Variants in PHIP observed in about 807,000 individuals in gnomAD.
PHIP encodes PH-interacting protein.
A neutral mutation model predicts 236.8 loss-of-function variants in PHIP; 54 were observed. The ratio of observed to expected loss-of-function variants is 0.23; its 90% CI spans 0.18 to 0.29. The LOEUF (loss-of-function observed/expected upper bound fraction) is 0.29. PHIP is among the 10% of genes least tolerant of loss of function. PHIP has a pLI of 1.00. For synonymous variants in PHIP, 756 were observed against 718.9 expected (o/e 1.05, Z -0.83); for missense variants, 1,370 against 2,190.8 (o/e 0.63, Z 7.48).
chr6:79,028,281 T>A (rs1258627938), intron 7 of PHIP, among the ~76,000 whole-genome samples: 2 of 152,134 alleles, frequency 1.3e-5, no homozygotes, highest in African/African-American at 2.4e-5. Flanking sequence ...AGTATCAGGA[T>A]CATACTTGTG....
intron 15 of PHIP, among the ~76,000 whole-genome samples, chr6:79,004,867 AG>A (rs1770198967): frequency 6.6e-5 from 10 of 152,084 alleles, no homozygotes; most frequent in Admixed American, 6.6e-5. Flanking sequence ...CAAATGCAGA[AG>A]TTAAAATTCA....
chr6:78,976,286 A>G (rs1371768649), intron 24 of PHIP, among the ~76,000 whole-genome samples: 1 of 149,120 alleles, frequency 6.7e-6, no homozygotes, highest in Non-Finnish European at 1.5e-5. Context: ...AGGATTCCCT[A>G]TTTAATAAAT....
chr6:79,026,625 A>G (rs1331457006), intron 7 of PHIP, among the ~76,000 whole-genome samples: 2 of 152,114 alleles, frequency 1.3e-5, no homozygotes, highest in Admixed American at 6.5e-5. Context: ...AGCTAAAAAC[A>G]TGACATTATC....
intron 18 of PHIP, among the ~76,000 whole-genome samples, chr6:78,997,966 CAAT>C (rs1343292842): frequency 2.6e-5 from 4 of 152,108 alleles, no homozygotes; most frequent in Non-Finnish European, 5.9e-5. Context: ...TAATATACAA[CAAT>C]AAGGGTGATG....
intron 6 of PHIP, among the ~76,000 whole-genome samples, chr6:79,059,309 A>G (rs902161456): frequency 3.3e-5 from 5 of 151,946 alleles, no homozygotes; most frequent in Non-Finnish European, 5.9e-5. Context: ...ACATTTCCAG[A>G]ATCTAAGCAA....
rs541856887 is a variant in PHIP at position 78,952,541 on chromosome 6, T to C, written c.4053+2273A>G. ...CTTCCACTGAAATTTTTGTTAGACA[T>C]ATTTTGGACCTTCTCTTTCTATCTA... On this transcript the variant is annotated intron_variant, in intron 35 of 39. Coordinates refer to ENST00000275034, the MANE Select transcript of PHIP (RefSeq NM_017934.7). Among the ~76,000 whole-genome samples the C allele has an allele frequency of 1.6e-4, 25 of 151,996 alleles. No homozygotes were observed. The South Asian group carries it at 5.0e-3, about 30-fold the overall frequency.
chr6:79,004,504 T>C (rs1770178324), intron 15 of PHIP: 1 of 640,952 alleles, frequency 1.6e-6, no homozygotes, highest in South Asian at 6.9e-5. Flanking sequence ...CTTCAGACTA[T>C]GTTCCAGTTG....
chr6:79,055,754 A>C (rs914300884), intron 6 of PHIP, among the ~76,000 whole-genome samples: 1 of 152,248 alleles, frequency 6.6e-6, no homozygotes, highest in African/African-American at 2.4e-5. Flanking sequence ...TAATAAAATA[A>C]AACAGGATAA....
rs569289054 is a variant in PHIP at position 79,014,075 on chromosome 6, CTTA to C, written c.1524+1004_1524+1006del. 1.3e-3 allele frequency among the ~76,000 whole-genome samples: 204 copies of C among 151,566 alleles called. 1 individual carries two copies. The highest frequency in any genetic ancestry group is 4.7e-3 in the African/African-American group (195 of 41,446). On this transcript the variant is annotated intron_variant, in intron 15 of 39. Coordinates refer to ENST00000275034, the MANE Select transcript of PHIP (RefSeq NM_017934.7). ...TCTAGAAATAGAGGGTTTTACAAAC[CTTA>C]TTTCTTACCTAATGTATTCTAAGGC...
chr6:78,988,446 G>A, intron 20 of PHIP, 97 bp from the exon 21 acceptor site: 2 of 892,086 alleles, frequency 2.2e-6, no homozygotes, highest in Non-Finnish European at 3.2e-6. Context: ...ATTCAAGCTG[G>A]GCATGGTGGC....
In PHIP at chr6:78,999,795, T is replaced by G. The variant is rs185372560; in HGVS notation, c.1880-1404A>C. 6.2e-4 allele frequency among the ~76,000 whole-genome samples: 94 copies of G among 152,124 alleles called. 1 individual carries two copies. The South Asian group carries it at 7.9e-3, about 13-fold the overall frequency. On this transcript the variant is annotated intron_variant, in intron 17 of 39. Coordinates refer to ENST00000275034, the MANE Select transcript of PHIP (RefSeq NM_017934.7). ...AATTACATGTATTACATGCATAATT[T>G]CATTTATAAAAGAAAACTAAAATTC...
chr6:79,053,884 C>T (rs1048017968), intron 6 of PHIP, among the ~76,000 whole-genome samples: 5 of 152,074 alleles, frequency 3.3e-5, no homozygotes, highest in Non-Finnish European at 5.9e-5. Flanking sequence ...TCCCTCATCA[C>T]ATCTATAACC....
chr6:79,075,121 A>G (rs1774084060), intron 4 of PHIP, among the ~76,000 whole-genome samples: 4 of 152,150 alleles, frequency 2.6e-5, no homozygotes, highest in Admixed American at 6.5e-5. Context: ...AATACTGTAC[A>G]AGAGACTTTG....
intron 15 of PHIP, among the ~76,000 whole-genome samples, chr6:79,004,066 C>A (rs1002812102): frequency 1.3e-5 from 2 of 152,004 alleles, no homozygotes; most frequent in African/African-American, 4.8e-5. Flanking sequence ...TATCCACAGA[C>A]CAAACACAAT....
intron 36 of PHIP, among the ~76,000 whole-genome samples, chr6:78,947,189 C>A (rs994740730): frequency 4.6e-5 from 7 of 152,122 alleles, no homozygotes; most frequent in African/African-American, 1.7e-4. Context: ...AATGTTTGAA[C>A]CTGTTTTCTA....
Position 78,998,271 on chromosome 6 carries a change from G to A in PHIP, c.2000C>T (p.Thr667Ile). ...CTGCTTACCTCTACTTAAACGGCTG[G>A]TATTACTGATAACTGCTTCACCAGA... Reference protein sequence around the residue: ...RRSGEAVISNTSRLSRGSISS... With the variant: ...RRSGEAVISNISRLSRGSISS... The change falls in exon 18 of 40, where the codon ACC (threonine) becomes ATC (isoleucine). Residue 667 changes from threonine to isoleucine, a missense_variant. By Grantham distance (89) the Thr-to-Ile change is moderately conservative. Around this residue, in one of 14 missense-constraint regions of PHIP, gnomAD observed 133 missense variants for 245.2 expected, o/e 0.54. Coordinates refer to ENST00000275034, the MANE Select transcript of PHIP (RefSeq NM_017934.7). 1 of 1,610,600 alleles carries A rather than the reference G, an allele frequency of 6.2e-7. No homozygotes were observed. The highest frequency in any genetic ancestry group is 1.1e-5 in the South Asian group (1 of 90,996).
rs1773275346 is a variant in PHIP, at chr6:78,936,467, G to T, written c.*4226C>A. On this transcript the variant is annotated 3_prime_UTR_variant, in exon 40 of 40. Coordinates refer to ENST00000275034, the MANE Select transcript of PHIP (RefSeq NM_017934.7). Reference sequence around the variant, plus strand: ...ACTAATCAACACACACAATCTTAAAGTAACCAGCATGTGTGCATCTGCCTT... The same window carrying T: ...ACTAATCAACACACACAATCTTAAATTAACCAGCATGTGTGCATCTGCCTT... 1 of 151,760 alleles carries T rather than the reference G, an allele frequency of 6.6e-6. No individual in the cohort carries two copies. The highest frequency in any genetic ancestry group is 6.6e-5 in the Admixed American group (1 of 15,224). The allele number at this position is 151,760 out of a possible 1,614,324, so 9.4% of individuals were successfully genotyped here. A position where few individuals can be genotyped will look rare whatever the true frequency, so the allele number is the denominator to read the frequency against.
At position 79,061,981 on chromosome 6, in the gene PHIP, T is replaced by C. The variant is rs1214248169; in HGVS notation, c.190-1163A>G. On this transcript the variant is annotated intron_variant, in intron 4 of 39. Coordinates refer to ENST00000275034, the MANE Select transcript of PHIP (RefSeq NM_017934.7). ...TGAAGCCAATAGGAGAAACCTACCT[T>C]ACTCTTTATCAAAATACACTCCTTC... Among the ~76,000 whole-genome samples, 3 of 152,282 alleles carry C rather than the reference T, an allele frequency of 2.0e-5. No homozygotes were observed. In the East Asian group the frequency reaches 5.8e-4, roughly 29 times the overall value.
At chr6:79,059,022 A>G (rs1773216724) in intron 6 of PHIP, among the ~76,000 whole-genome samples, 1 of 152,094 alleles carries the variant, frequency 6.6e-6, no homozygotes, top group Non-Finnish European at 1.5e-5. Flanking sequence ...TGTTTATTAT[A>G]GCAAGATTAT....
Sources: gnomAD v4.1 joint callset for allele counts (sites outside exome capture counted in the v4.1 genomes callset) on GRCh38, gnomAD v4.1.1 for gene constraint, gnomAD v4.1.1 regional missense constraint, MANE v1.5 for transcripts, NCBI Gene and HGNC (gene_info 2026-07-23, HGNC 2026-07-21) for gene names.